The following GALNTL6 variants were observed in gnomAD, a reference collection of about 807,000 sequenced individuals.
The protein encoded by GALNTL6 is polypeptide N-acetylgalactosaminyltransferase-like 6.
In GALNTL6, 46 loss-of-function variants were observed where a neutral mutation model predicts 73.7. That is an observed-to-expected ratio of 0.62 (90% CI 0.49 to 0.80). The LOEUF is 0.80. Among genes scored for constraint, GALNTL6 ranks in the 30% least tolerant of loss-of-function variants. The probability of loss-of-function intolerance (pLI) is 0.00; values close to 1 mark genes in which losing one functional copy is unlikely to be tolerated. For synonymous variants in GALNTL6, 259 were observed against 263.7 expected, an observed-to-expected ratio of 0.98 and a Z score of 0.17; for missense variants, 604 against 755.0, an observed-to-expected ratio of 0.80 and a Z score of 2.34.
intron 5 of GALNTL6, among the ~76,000 whole-genome samples, chr4:172,726,388 G>T (rs1186457512): frequency 6.6e-6 from 1 of 152,132 alleles, no homozygotes; most frequent in Non-Finnish European, 1.5e-5. Context: ...ATATAAGTAA[G>T]CATGTTAGTA....
chr4:172,217,649 A>C (rs534129425), intron 2 of GALNTL6, among the ~76,000 whole-genome samples: 58 of 152,294 alleles, frequency 3.8e-4, no homozygotes, highest in African/African-American at 1.3e-3. Context: ...CTATATTTAC[A>C]TGATCCATCT....
At chr4:172,315,069 CA>C (rs1205081634) in intron 4 of GALNTL6, among the ~76,000 whole-genome samples, 2 of 152,152 alleles carry the variant, frequency 1.3e-5, no homozygotes, top group African/African-American at 2.4e-5. Flanking sequence ...ATAATTTGAT[CA>C]GTCTTACTTT....
At chr4:172,374,909 A>G (rs1164865253) in intron 5 of GALNTL6, among the ~76,000 whole-genome samples, 1 of 152,120 alleles carries the variant, frequency 6.6e-6, no homozygotes, top group Non-Finnish European at 1.5e-5. Context: ...ATCATCTGAA[A>G]ACTTCCCCAG....
intron 5 of GALNTL6, among the ~76,000 whole-genome samples, chr4:172,606,618 AG>A (rs1315360938): frequency 1.5e-4 from 4 of 27,294 alleles, no homozygotes; most frequent in African/African-American, 2.4e-4. Flanking sequence ...ATACATATAT[AG>A]TATATATATA....
intron 2 of GALNTL6, among the ~76,000 whole-genome samples, chr4:172,177,815 GTGTGTATATATACACACACATATATA>G (rs1378793471): frequency 1.3e-4 from 16 of 123,384 alleles, no homozygotes; most frequent in South Asian, 6.7e-4. Flanking sequence ...ACATATATGT[GTGTGTATATATACACACACATATATA>G]TGTGTATATA....
At chr4:172,568,618 C>T (rs959688237) in intron 5 of GALNTL6, among the ~76,000 whole-genome samples, 1 of 151,142 alleles carries the variant, frequency 6.6e-6, no homozygotes, top group Non-Finnish European at 1.5e-5. Context: ...ATTAGCCGGG[C>T]GTGATGGTGG....
intron 2 of GALNTL6, among the ~76,000 whole-genome samples, chr4:171,941,373 T>G (rs1294787011): frequency 1.3e-5 from 2 of 152,238 alleles, no homozygotes; most frequent in Non-Finnish European, 1.5e-5. Context: ...CTTGCAATAT[T>G]GCCAGTTCTC....
At chr4:172,088,655 T>A (rs1298686418) in intron 2 of GALNTL6, among the ~76,000 whole-genome samples, 1 of 152,182 alleles carries the variant, frequency 6.6e-6, no homozygotes, top group Non-Finnish European at 1.5e-5. Flanking sequence ...TAGTTTTCAA[T>A]CTCCTCCTCT....
intron 2 of GALNTL6, among the ~76,000 whole-genome samples, chr4:171,988,835 G>T (rs563968075): frequency 6.6e-6 from 1 of 151,882 alleles, no homozygotes; most frequent in African/African-American, 2.4e-5. Flanking sequence ...GGGCATGATC[G>T]GTCGCTAAGG....
At chr4:172,146,639 C>T (rs559835203) in intron 2 of GALNTL6, among the ~76,000 whole-genome samples, 2 of 152,260 alleles carry the variant, frequency 1.3e-5, no homozygotes, top group East Asian at 3.9e-4. Context: ...ACAGTATCTC[C>T]TATTAAAATC....
At chr4:172,080,842 T>A (rs1444038257) in intron 2 of GALNTL6, among the ~76,000 whole-genome samples, 1 of 151,696 alleles carries the variant, frequency 6.6e-6, no homozygotes, top group African/African-American at 2.4e-5. Flanking sequence ...TTTAATTTTT[T>A]AAATTTATAT....
At chr4:172,348,395 C>T (rs2111215401) in intron 4 of GALNTL6, 128 bp from the exon 5 acceptor site, 2 of 668,972 alleles carry the variant, frequency 3.0e-6, no homozygotes, top group Admixed American at 2.8e-5. Flanking sequence ...GCTGTACAAA[C>T]TCTGGTTGGA....
intron 2 of GALNTL6, among the ~76,000 whole-genome samples, chr4:171,890,408 T>C (rs963127425): frequency 2.0e-5 from 3 of 152,132 alleles, no homozygotes; most frequent in African/African-American, 4.8e-5. Context: ...ATGGACACTA[T>C]AATTTTTATA....
At chr4:172,989,240 G>C (rs1161274734) in intron 10 of GALNTL6, among the ~76,000 whole-genome samples, 1 of 152,176 alleles carries the variant, frequency 6.6e-6, no homozygotes, top group East Asian at 1.9e-4. Flanking sequence ...TTCTCCCTTT[G>C]GGAATAGGTG....
intron 5 of GALNTL6, among the ~76,000 whole-genome samples, chr4:172,771,755 A>G (rs1024837119): frequency 6.6e-6 from 1 of 152,200 alleles, no homozygotes; most frequent in Non-Finnish European, 1.5e-5. Flanking sequence ...ATAGATGTCT[A>G]TGGGTTAAGT....
intron 5 of GALNTL6, among the ~76,000 whole-genome samples, chr4:172,605,226 G>C (rs1044087179): frequency 1.3e-5 from 2 of 152,128 alleles, no homozygotes; most frequent in East Asian, 3.9e-4. Flanking sequence ...GGTCTGTAAA[G>C]TGTGCTGCTA....
At position 172,906,572 on chromosome 4, in the gene GALNTL6, G is replaced by C. The variant is rs144833971; in HGVS notation, c.1041+23665G>C. Among the ~76,000 whole-genome samples, 5 of 152,304 alleles carry C rather than the reference G, an allele frequency of 3.3e-5. No homozygotes were observed. The East Asian group carries it at 9.7e-4, about 29-fold the overall frequency. Reference sequence around the variant, plus strand: ...GGACATCAAATGTTCAGCCAACTCTGTCCTTGCCTGGAAGCTCAACTGGAG... The same window carrying C: ...GGACATCAAATGTTCAGCCAACTCTCTCCTTGCCTGGAAGCTCAACTGGAG... On this transcript the variant is annotated intron_variant, in intron 8 of 12. Transcript: ENST00000506823.
intron 2 of GALNTL6, among the ~76,000 whole-genome samples, chr4:171,953,704 A>T (rs970932485): frequency 1.3e-5 from 2 of 152,158 alleles, no homozygotes; most frequent in African/African-American, 2.4e-5. Flanking sequence ...AGCAACATAC[A>T]TGGAGGACAA....
At chr4:172,409,536 A>G (rs998655908) in intron 5 of GALNTL6, among the ~76,000 whole-genome samples, 1 of 151,982 alleles carries the variant, frequency 6.6e-6, no homozygotes, top group Non-Finnish European at 1.5e-5. Flanking sequence ...TTACAATCAC[A>G]AGACATGTAA....
Sources: gnomAD v4.1 joint callset for allele counts (sites outside exome capture counted in the v4.1 genomes callset) on GRCh38, gnomAD v4.1.1 for gene constraint, MANE v1.5 for transcripts, NCBI Gene and HGNC (gene_info 2026-07-23, HGNC 2026-07-21) for gene names.